Variants in PCDHAC1 observed in about 807,000 individuals in gnomAD.
PCDHAC1 encodes protocadherin alpha-C1.
A neutral mutation model predicts 60.0 loss-of-function variants in PCDHAC1; 42 were observed. That is an observed-to-expected ratio of 0.70 (90% CI 0.55 to 0.90). The LOEUF is 0.90. PCDHAC1 is among the 40% of genes least tolerant of loss of function. The probability of loss-of-function intolerance (pLI) is 0.00; values close to 1 mark genes in which losing one functional copy is unlikely to be tolerated. For missense variants in PCDHAC1, 1,160 were observed against 1,222.3 expected (o/e 0.95, Z 0.76); for synonymous variants, 468 against 499.3 (o/e 0.94, Z 0.84).
intron 1 of PCDHAC1, among the ~76,000 whole-genome samples, chr5:140,959,954 A>G (rs1054998147): frequency 6.6e-6 from 1 of 152,198 alleles, no homozygotes; most frequent in East Asian, 1.9e-4. Context: ...TATCATAGGT[A>G]GGAGGTAGAT....
chr5:140,968,859 C>T, intron 1 of PCDHAC1: 1 of 1,614,184 alleles, frequency 6.2e-7, no homozygotes, highest in Non-Finnish European at 8.5e-7. Context: ...GTTAAGAGCC[C>T]TCGGACATAC....
rs781998184 is a variant in PCDHAC1, at chr5:140,927,093, G to T, written c.201G>T (p.Gly67=). ...CCAGCCACCGCGAGCTCTACTTCGG[G>T]GTGGATCTACCCAGCGGCAATTTGG... The part of the protein sequence containing the change: ...FLSSHRELYF[G]VDLPSGNLVV... Residue 67 remains glycine, a synonymous_variant, in exon 1 of 4, where the codon GGG becomes GGT. Transcript: ENST00000253807. The T allele has an allele frequency of 6.2e-7, 1 of 1,612,818 alleles. No homozygotes were observed. The highest frequency in any genetic ancestry group is 8.5e-7 in the Non-Finnish European group (1 of 1,179,072).
At chr5:140,977,634 T>A (rs187884163) in intron 1 of PCDHAC1, among the ~76,000 whole-genome samples, 83 of 152,298 alleles carry the variant, frequency 5.4e-4, no homozygotes, top group African/African-American at 1.9e-3. Context: ...TTGTAACTTT[T>A]TCTGGGCCTT....
intron 3 of PCDHAC1, among the ~76,000 whole-genome samples, chr5:141,001,133 A>G (rs2097993653): frequency 6.6e-6 from 1 of 152,034 alleles, no homozygotes; most frequent in Non-Finnish European, 1.5e-5. Flanking sequence ...AAACAAATGA[A>G]TCTTCTGTTG....
At chr5:141,002,133 C>T (rs1172462824) in intron 3 of PCDHAC1, among the ~76,000 whole-genome samples, 2 of 152,248 alleles carry the variant, frequency 1.3e-5, no homozygotes, top group African/African-American at 4.8e-5. Context: ...ATAGCCTTTG[C>T]CGGCTGCACT....
At chr5:140,993,227 C>T (rs1464075096) in intron 3 of PCDHAC1, among the ~76,000 whole-genome samples, 1 of 152,084 alleles carries the variant, frequency 6.6e-6, no homozygotes, top group African/African-American at 2.4e-5. Context: ...TTGGTATGTT[C>T]TCTCTGAATC....
At chr5:141,007,712 A>G (rs2098342161) in intron 3 of PCDHAC1, among the ~76,000 whole-genome samples, 1 of 152,170 alleles carries the variant, frequency 6.6e-6, no homozygotes, top group Non-Finnish European at 1.5e-5. Context: ...GCCTCCCACC[A>G]CCAGGGAGAA....
chr5:140,926,849 C>A lies in PCDHAC1; in HGVS notation c.-44C>A. 6.6e-7 allele frequency: 1 copy of A among 1,517,430 alleles called. No individual in the cohort carries two copies. 94.0% of individuals were successfully genotyped at this position (1,517,430 alleles called of 1,614,324 possible). ...AGTCCGGAGCATGGTCCTGGGTCAC[C>A]GTTGGTGTAGCGTGTTGGTGGAACG... On this transcript the variant is annotated 5_prime_UTR_variant, in exon 1 of 4. Coordinates refer to ENST00000253807, the MANE Select transcript of PCDHAC1 (RefSeq NM_018898.5).
chr5:140,989,633 A>AGG (rs2097351730), intron 3 of PCDHAC1, among the ~76,000 whole-genome samples: 1 of 152,226 alleles, frequency 6.6e-6, no homozygotes. Flanking sequence ...AGTGACAGCA[A>AGG]GGGTCTTTCA....
intron 1 of PCDHAC1, among the ~76,000 whole-genome samples, chr5:140,932,553 C>T (rs1288415511): frequency 6.6e-6 from 1 of 151,798 alleles, no homozygotes; most frequent in African/African-American, 2.4e-5. Context: ...AACATACATT[C>T]CACAAGTAGA....
intron 1 of PCDHAC1, among the ~76,000 whole-genome samples, chr5:140,954,835 A>G (rs1256515583): frequency 1.3e-5 from 2 of 152,146 alleles, no homozygotes; most frequent in Admixed American, 6.5e-5. Flanking sequence ...TTTTGTCATG[A>G]AATCTTTGCC....
chr5:140,941,211 CTTCCTTTCTTTCTTTCTTT>C (rs1563185577), intron 1 of PCDHAC1, among the ~76,000 whole-genome samples: 1,494 of 129,708 alleles, frequency 0.012, 26 homozygotes, highest in African/African-American at 0.041. Flanking sequence ...TCCTTTCTTT[CTTCCTTTCTTTCTTTCTTT>C]CTTTCTTTCT....
At chr5:141,007,422 G>A (rs190866782) in intron 3 of PCDHAC1, among the ~76,000 whole-genome samples, 22 of 143,640 alleles carry the variant, frequency 1.5e-4, no homozygotes, top group African/African-American at 4.9e-4. Context: ...AAAAAAATTA[G>A]CCAGGCATGG....
chr5:140,944,743 T>A (rs1307968034), intron 1 of PCDHAC1, among the ~76,000 whole-genome samples: 2 of 152,238 alleles, frequency 1.3e-5, no homozygotes, highest in East Asian at 3.8e-4. Flanking sequence ...TCTGAGCATT[T>A]ACATGGAAAA....
intron 1 of PCDHAC1, among the ~76,000 whole-genome samples, chr5:140,934,036 G>T (rs181745303): frequency 2.9e-4 from 44 of 151,956 alleles, no homozygotes; most frequent in African/African-American, 1.0e-3. Context: ...GTTTATTAAT[G>T]ATATTAGTCT....
In PCDHAC1 at chr5:140,927,579, C is replaced by T. The variant is rs369243383; in HGVS notation, c.687C>T (p.Asn229=). The T allele has an allele frequency of 3.2e-4, 517 of 1,614,178 alleles. 2 individuals are homozygous for T. Among genetic ancestry groups the T allele is most frequent in the Non-Finnish European group, 4.1e-4 (483 of 1,180,030 alleles). The change falls in exon 1 of 4, where the codon AAC becomes AAT. Residue 229 remains asparagine (N), a synonymous_variant. Coordinates refer to ENST00000253807, the MANE Select transcript of PCDHAC1 (RefSeq NM_018898.5). ...VTIIVVDTND[N]APVFERSVYR... ...TCATTGTGGTGGACACAAATGACAA[C>T]GCGCCTGTATTTGAGCGCTCCGTAT...
chr5:140,968,488 C>A, intron 1 of PCDHAC1: 1 of 1,614,148 alleles, frequency 6.2e-7, no homozygotes, highest in South Asian at 1.1e-5. Context: ...ACATGAATGA[C>A]CATGCCCCTC....
intron 1 of PCDHAC1, among the ~76,000 whole-genome samples, chr5:140,973,232 G>GA (rs2096577680): frequency 6.6e-6 from 1 of 152,196 alleles, no homozygotes; most frequent in African/African-American, 2.4e-5. Flanking sequence ...ATAGTGACCT[G>GA]AAAGAGTTAA....
chr5:140,977,564 A>G (rs2096766034), intron 1 of PCDHAC1, among the ~76,000 whole-genome samples: 1 of 152,178 alleles, frequency 6.6e-6, no homozygotes, highest in African/African-American at 2.4e-5. Flanking sequence ...TTGCTAGCAG[A>G]TTGGTAGAAT....
Sources: allele counts gnomAD v4.1 joint callset (sites outside exome capture counted in the v4.1 genomes callset), GRCh38; gene constraint gnomAD v4.1.1; transcripts MANE v1.5; gene names NCBI Gene and HGNC (gene_info 2026-07-23, HGNC 2026-07-21).